ADAMTSL1: variants seen among roughly 807,000 people sequenced by gnomAD.
ADAMTSL1 encodes the protein ADAMTS-like protein 1.
ADAMTSL1 carries 126 observed loss-of-function variants against 201.8 expected under a neutral mutation model. The observed-to-expected ratio is 0.62, with a 90% CI of 0.54 to 0.72. The LOEUF (loss-of-function observed/expected upper bound fraction) is 0.72, where lower values mean the gene tolerates loss of function less well. ADAMTSL1 is among the 30% of genes least tolerant of loss of function. The pLI is 0.00. For synonymous variants in ADAMTSL1, 1,121 were observed against 903.4 expected, an observed-to-expected ratio of 1.24 and a Z score of -4.32; for missense variants, 2,679 against 2,277.8, an observed-to-expected ratio of 1.18 and a Z score of -3.59.
intron 2 of ADAMTSL1, among the ~76,000 whole-genome samples, chr9:18,308,518 C>T (rs547174024): frequency 7.9e-5 from 12 of 152,234 alleles, no homozygotes; most frequent in African/African-American, 2.4e-4. Flanking sequence ...CACCACCGAT[C>T]ACACAGAAAT....
chr9:17,934,364 C>G (rs1390560631), intron 1 of ADAMTSL1, among the ~76,000 whole-genome samples: 1 of 152,076 alleles, frequency 6.6e-6, no homozygotes. Flanking sequence ...TTACTTCCAC[C>G]TTTTTATGAC....
At chr9:18,484,359 TAG>T (rs1157901731) in intron 1 of ADAMTSL1, among the ~76,000 whole-genome samples, 1 of 152,232 alleles carries the variant, frequency 6.6e-6, no homozygotes, top group Non-Finnish European at 1.5e-5. Flanking sequence ...CCTAAAGAAA[TAG>T]ACACATTAAT....
At chr9:18,246,249 T>C in intron 2 of ADAMTSL1, among the ~76,000 whole-genome samples, 1 of 152,200 alleles carries the variant, frequency 6.6e-6, no homozygotes, top group Non-Finnish European at 1.5e-5. Flanking sequence ...ATAATTGGGT[T>C]AATTTCTGCA....
chr9:18,741,006 T>C (rs146068220), intron 15 of ADAMTSL1, among the ~76,000 whole-genome samples: 104 of 152,292 alleles, frequency 6.8e-4, no homozygotes, highest in African/African-American at 2.5e-3. Context: ...TGATTCTGTC[T>C]TAGATTGTAC....
At chr9:18,054,504 T>G (rs983909479) in intron 1 of ADAMTSL1, among the ~76,000 whole-genome samples, 2 of 152,244 alleles carry the variant, frequency 1.3e-5, no homozygotes, top group African/African-American at 4.8e-5. Context: ...TCTGTATGTG[T>G]GTTGGAGTGG....
At chr9:18,278,195 A>G (rs1189035670) in intron 2 of ADAMTSL1, among the ~76,000 whole-genome samples, 1 of 152,174 alleles carries the variant, frequency 6.6e-6, no homozygotes, top group Non-Finnish European at 1.5e-5. Context: ...TTTATGCACT[A>G]CCATTATGGT....
intron 23 of ADAMTSL1, among the ~76,000 whole-genome samples, chr9:18,847,013 A>G (rs1392544144): frequency 6.6e-6 from 1 of 152,192 alleles, no homozygotes; most frequent in Non-Finnish European, 1.5e-5. Context: ...GTGTAGTTAT[A>G]AGGAGGAGAA....
chr9:18,287,663 A>G (rs1308489292), intron 2 of ADAMTSL1, among the ~76,000 whole-genome samples: 3 of 151,516 alleles, frequency 2.0e-5, no homozygotes, highest in Non-Finnish European at 2.9e-5. Flanking sequence ...ATACACATAT[A>G]TGTATGTGTA....
chr9:18,718,439 T>C, intron 14 of ADAMTSL1: 1 of 630,812 alleles, frequency 1.6e-6, no homozygotes, highest in Non-Finnish European at 3.1e-6. Context: ...GACATATTTT[T>C]CAACAAAAAT....
intron 1 of ADAMTSL1, among the ~76,000 whole-genome samples, chr9:18,005,331 G>A (rs1344465765): frequency 6.6e-6 from 1 of 152,062 alleles, no homozygotes; most frequent in African/African-American, 2.4e-5. Flanking sequence ...GCTACAGAAG[G>A]AAGCTGAAGG....
chr9:17,998,781 C>T (rs140935165), intron 1 of ADAMTSL1, among the ~76,000 whole-genome samples: 394 of 152,022 alleles, frequency 2.6e-3, no homozygotes, highest in African/African-American at 8.7e-3. Context: ...AGTGAGGTGA[C>T]CTATCAAGCC....
intron 2 of ADAMTSL1, among the ~76,000 whole-genome samples, chr9:18,431,880 T>C (rs139058939): frequency 4.6e-5 from 7 of 152,268 alleles, no homozygotes; most frequent in African/African-American, 1.7e-4. Flanking sequence ...AATATCTATA[T>C]AGGCTGGGTT....
intron 1 of ADAMTSL1, among the ~76,000 whole-genome samples, chr9:17,957,347 C>G (rs1054873555): frequency 1.3e-5 from 2 of 152,114 alleles, no homozygotes; most frequent in Non-Finnish European, 2.9e-5. Context: ...CCCTTAGACC[C>G]TATTAGCAGC....
At chr9:17,984,526 C>T (rs952699171) in intron 1 of ADAMTSL1, among the ~76,000 whole-genome samples, 1 of 152,022 alleles carries the variant, frequency 6.6e-6, no homozygotes, top group Admixed American at 6.6e-5. Context: ...TACCAATTGA[C>T]AAGTTATTTC....
intron 2 of ADAMTSL1, among the ~76,000 whole-genome samples, chr9:18,205,394 C>T (rs1829606087): frequency 6.6e-6 from 1 of 151,932 alleles, no homozygotes; most frequent in African/African-American, 2.4e-5. Flanking sequence ...ATTTCCAAGA[C>T]AAACTTATCT....
At chr9:18,354,843 C>T (rs1018573852) in intron 2 of ADAMTSL1, among the ~76,000 whole-genome samples, 13 of 152,028 alleles carry the variant, frequency 8.6e-5, no homozygotes, top group Non-Finnish European at 1.5e-4. Flanking sequence ...TGGTGGTGCA[C>T]GCCTGTAGTC....
chr9:18,310,588 C>A (rs535733396), intron 2 of ADAMTSL1, among the ~76,000 whole-genome samples: 54 of 151,846 alleles, frequency 3.6e-4, no homozygotes, highest in African/African-American at 1.2e-3. Flanking sequence ...ATGTGGCCAA[C>A]AAATATATGA....
intron 1 of ADAMTSL1, among the ~76,000 whole-genome samples, chr9:18,115,929 G>A (rs769842337): frequency 1.9e-4 from 29 of 152,156 alleles, no homozygotes; most frequent in Non-Finnish European, 4.0e-4. Context: ...GTCTCTAACA[G>A]TACTCAGAAT....
chr9:18,202,209 A>C (rs984742567), intron 2 of ADAMTSL1, among the ~76,000 whole-genome samples: 2 of 152,146 alleles, frequency 1.3e-5, no homozygotes, highest in African/African-American at 4.8e-5. Context: ...AACTGGAGTA[A>C]AATTTTGCTT....
Sources: gnomAD v4.1 joint callset for allele counts (sites outside exome capture counted in the v4.1 genomes callset) on GRCh38, gnomAD v4.1.1 for gene constraint, MANE v1.5 for transcripts, NCBI Gene and HGNC (gene_info 2026-07-23, HGNC 2026-07-21) for gene names.